The following GNAI1 variants were observed in gnomAD, a reference collection of about 807,000 sequenced individuals.
GNAI1 encodes G protein subunit alpha i1, also known as guanine nucleotide-binding protein G(i) subunit alpha-1.
In GNAI1, 11 loss-of-function variants were observed where a neutral mutation model predicts 38.9. The ratio of observed to expected loss-of-function variants is 0.28; its 90% CI spans 0.18 to 0.47. GNAI1 has a LOEUF of 0.47. GNAI1 is among the 20% of genes least tolerant of loss of function. The probability of loss-of-function intolerance (pLI) is 0.99; values close to 1 mark genes in which losing one functional copy is unlikely to be tolerated. For synonymous variants in GNAI1, 166 were observed against 145.1 expected (o/e 1.14, Z -1.04); for missense variants, 317 against 436.9 (o/e 0.73, Z 2.45).
chr7:80,182,105 A>C (rs529384404), intron 1 of GNAI1, among the ~76,000 whole-genome samples: 1 of 152,154 alleles, frequency 6.6e-6, no homozygotes, highest in East Asian at 1.9e-4. Flanking sequence ...GACTTTTTTT[A>C]GATTCTACAT....
chr7:80,160,384 C>T (rs1310629789), intron 1 of GNAI1, among the ~76,000 whole-genome samples: 1 of 151,584 alleles, frequency 6.6e-6, no homozygotes, highest in South Asian at 2.1e-4. Flanking sequence ...ATTCATTATT[C>T]TGTAAGAGAA....
chr7:80,160,323 A>G (rs1427774673), intron 1 of GNAI1, among the ~76,000 whole-genome samples: 1 of 152,104 alleles, frequency 6.6e-6, no homozygotes, highest in Non-Finnish European at 1.5e-5. Flanking sequence ...ACTAAAAAAA[A>G]TGGGAGTAAT....
chr7:80,209,270 A>G (rs1584053011), intron 5 of GNAI1, among the ~76,000 whole-genome samples: 1 of 152,156 alleles, frequency 6.6e-6, no homozygotes, highest in African/African-American at 2.4e-5. Context: ...CCAGTAGGTT[A>G]TGTTTATTTC....
At chr7:80,147,742 T>G (rs989619817) in intron 1 of GNAI1, among the ~76,000 whole-genome samples, 12 of 152,204 alleles carry the variant, frequency 7.9e-5, no homozygotes, top group African/African-American at 2.9e-4. Flanking sequence ...TGTTTAGTGA[T>G]AAGTAATTGC....
chr7:80,137,238 G>A (rs1011159423), intron 1 of GNAI1, among the ~76,000 whole-genome samples: 1 of 150,562 alleles, frequency 6.6e-6, no homozygotes, highest in African/African-American at 2.4e-5. Flanking sequence ...GAAAGATGTA[G>A]CAGAGGCCTC....
In GNAI1 at chr7:80,224,735, A is replaced by G. The variant is rs1354064266; in HGVS notation, c.*7242A>G. ...CACAGCAGCCACTACCCAGGTGTGAATGCAGAGCACTTAAAACGTAGCTAG... is the reference window on the plus strand; with the variant it reads ...CACAGCAGCCACTACCCAGGTGTGAGTGCAGAGCACTTAAAACGTAGCTAG... On this transcript the variant is annotated 3_prime_UTR_variant, in exon 8 of 8. Transcript: ENST00000649796. Among the ~76,000 whole-genome samples, 1 of 152,244 alleles carries G rather than the reference A, an allele frequency of 6.6e-6. No homozygotes were observed. The highest frequency in any genetic ancestry group is 1.5e-5 in the Non-Finnish European group (1 of 68,040).
At chr7:80,203,355 G>A (rs998418826) in intron 4 of GNAI1, among the ~76,000 whole-genome samples, 1 of 151,398 alleles carries the variant, frequency 6.6e-6, no homozygotes, top group East Asian at 1.9e-4. Context: ...ATATCCAAAA[G>A]GTGTGATAAA....
intron 1 of GNAI1, among the ~76,000 whole-genome samples, chr7:80,170,542 C>T (rs1322835260): frequency 6.6e-6 from 1 of 152,114 alleles, no homozygotes; most frequent in African/African-American, 2.4e-5. Context: ...TTAATTGGCT[C>T]ACAGTTCTGC....
rs1787679366 is a variant in GNAI1, at chr7:80,149,046, A to G, written c.118+13768A>G. Among the ~76,000 whole-genome samples the G allele has an allele frequency of 5.9e-5, 9 of 152,250 alleles. 2 individuals are homozygous for G. ...TTACTTTCAAATGCTGCTTCTCTCTATATAAAATATTACAGCTATACTGTG... is the reference window on the plus strand; with the variant it reads ...TTACTTTCAAATGCTGCTTCTCTCTGTATAAAATATTACAGCTATACTGTG... On this transcript the variant is annotated intron_variant, in intron 1 of 7. Coordinates refer to ENST00000649796, the MANE Select transcript of GNAI1 (RefSeq NM_002069.6).
Position 80,220,954 on chromosome 7 carries a change from G to A in GNAI1, c.*3461G>A, listed in dbSNP as rs1789063036. On this transcript the variant is annotated 3_prime_UTR_variant, in exon 8 of 8. Transcript: ENST00000649796. Reference sequence around the variant, plus strand: ...ATACTTATTAATGTCTTTCATCAGAGCTATTTTTTACTCCTTAGATGTGAA... The same window carrying A: ...ATACTTATTAATGTCTTTCATCAGAACTATTTTTTACTCCTTAGATGTGAA... 6.6e-6 allele frequency among the ~76,000 whole-genome samples: 1 copy of A among 152,092 alleles called. No homozygotes were observed. Among genetic ancestry groups the A allele is most frequent in the Non-Finnish European group, 1.5e-5 (1 of 68,020 alleles).
chr7:80,159,894 G>C (rs1006639170), intron 1 of GNAI1, among the ~76,000 whole-genome samples: 6 of 151,930 alleles, frequency 3.9e-5, no homozygotes, highest in African/African-American at 1.5e-4. Flanking sequence ...GATTGCGTGA[G>C]GATTAGAGAT....
chr7:80,186,531 T>G (rs1788389156), intron 1 of GNAI1, among the ~76,000 whole-genome samples: 1 of 152,210 alleles, frequency 6.6e-6, no homozygotes, highest in Admixed American at 6.5e-5. Flanking sequence ...CATTTGTACA[T>G]ACATAGTTCA....
intron 3 of GNAI1, among the ~76,000 whole-genome samples, chr7:80,189,903 G>A (rs1196205708): frequency 6.6e-6 from 1 of 152,016 alleles, no homozygotes; most frequent in Non-Finnish European, 1.5e-5. Flanking sequence ...CAGTTGGATT[G>A]GAAGCAGCCC....
chr7:80,175,666 T>G (rs1788172116), intron 1 of GNAI1, among the ~76,000 whole-genome samples: 1 of 152,142 alleles, frequency 6.6e-6, no homozygotes, highest in African/African-American at 2.4e-5. Context: ...GTGTCACATT[T>G]TGGTAGTTCT....
At chr7:80,148,825 C>T (rs1040215107) in intron 1 of GNAI1, among the ~76,000 whole-genome samples, 3 of 151,926 alleles carry the variant, frequency 2.0e-5, no homozygotes, top group African/African-American at 7.2e-5. Flanking sequence ...CTAATATCTC[C>T]AGTTTATTTG....
chr7:80,212,295 A>G (rs1415570233), intron 6 of GNAI1, among the ~76,000 whole-genome samples: 2 of 152,144 alleles, frequency 1.3e-5, no homozygotes, highest in African/African-American at 4.8e-5. Context: ...TAATATTTAG[A>G]GTATTGGGCT....
At chr7:80,143,491 T>C (rs1407089602) in intron 1 of GNAI1, among the ~76,000 whole-genome samples, 3 of 152,204 alleles carry the variant, frequency 2.0e-5, no homozygotes, top group Admixed American at 6.5e-5. Context: ...GAAGAGACTT[T>C]GCTATCTATG....
intron 3 of GNAI1, among the ~76,000 whole-genome samples, chr7:80,192,891 G>C (rs1256223730): frequency 1.3e-5 from 2 of 151,984 alleles, no homozygotes; most frequent in African/African-American, 4.8e-5. Context: ...TAGAGACGGG[G>C]TTTCACCTTG....
intron 1 of GNAI1, among the ~76,000 whole-genome samples, chr7:80,161,339 T>C (rs561797032): frequency 5.3e-5 from 8 of 152,218 alleles, no homozygotes; most frequent in African/African-American, 1.9e-4. Flanking sequence ...ACTTGGAGAT[T>C]AATTTGTGTT....
Sources: allele counts gnomAD v4.1 joint callset (sites outside exome capture counted in the v4.1 genomes callset), GRCh38; gene constraint gnomAD v4.1.1; transcripts MANE v1.5; gene names NCBI Gene and HGNC (gene_info 2026-07-23, HGNC 2026-07-21).